Variants in TNNI3K observed in about 807,000 individuals in gnomAD.
TNNI3K encodes the protein serine/threonine-protein kinase TNNI3K.
In TNNI3K, 140 loss-of-function variants were observed where a neutral mutation model predicts 114.5. The ratio of observed to expected loss-of-function variants is 1.22; its 90% CI spans 1.07 to 1.41. The LOEUF (loss-of-function observed/expected upper bound fraction) is 1.41, where lower values mean the gene tolerates loss of function less well. Ranked by LOEUF, TNNI3K falls within the 40% of genes most tolerant of loss-of-function variation. TNNI3K has a pLI of 0.00. For synonymous variants in TNNI3K, 347 were observed against 347.5 expected (o/e 1.00, Z 0.02); for missense variants, 1,125 against 1,007.6 (o/e 1.12, Z -1.58).
chr1:74,428,626 G>A (rs772101310), intron 17 of TNNI3K, among the ~76,000 whole-genome samples: 5 of 152,024 alleles, frequency 3.3e-5, no homozygotes, highest in South Asian at 2.1e-4. Context: ...CAAGGTACAC[G>A]GAGGTGTCAA....
At chr1:74,536,679 T>C (rs1646664385) in intron 23 of TNNI3K, among the ~76,000 whole-genome samples, 1 of 152,138 alleles carries the variant, frequency 6.6e-6, no homozygotes, top group Non-Finnish European at 1.5e-5. Flanking sequence ...AAATTACCCA[T>C]ATAGGAGCTA....
chr1:74,406,857 G>A (rs775153038), intron 17 of TNNI3K, among the ~76,000 whole-genome samples: 7 of 152,164 alleles, frequency 4.6e-5, no homozygotes, highest in Non-Finnish European at 8.8e-5. Flanking sequence ...CTCCGCTGCT[G>A]TTCCAAAATG....
chr1:74,499,911 T>C (rs1238890250), intron 23 of TNNI3K, among the ~76,000 whole-genome samples: 2 of 152,130 alleles, frequency 1.3e-5, no homozygotes, highest in Non-Finnish European at 2.9e-5. Context: ...CTGAAATCGT[T>C]TGGACTAATT....
chr1:74,491,847 G>C (rs1302501421), intron 22 of TNNI3K, among the ~76,000 whole-genome samples: 1 of 152,162 alleles, frequency 6.6e-6, no homozygotes, highest in African/African-American at 2.4e-5. Context: ...TGGGCCTACT[G>C]TGTTTTTAGA....
At chr1:74,395,524 C>T (rs1308354593) in intron 17 of TNNI3K, among the ~76,000 whole-genome samples, 2 of 152,152 alleles carry the variant, frequency 1.3e-5, no homozygotes, top group East Asian at 3.8e-4. Context: ...TGGGCAACCT[C>T]GTGTTTGAGC....
intron 6 of TNNI3K, among the ~76,000 whole-genome samples, chr1:74,334,224 C>T (rs1318152216): frequency 6.6e-6 from 1 of 152,180 alleles, no homozygotes; most frequent in Non-Finnish European, 1.5e-5. Context: ...TTTCCAAACC[C>T]TTGCTCTTGT....
intron 5 of TNNI3K, among the ~76,000 whole-genome samples, chr1:74,311,807 A>G (rs963676362): frequency 3.3e-5 from 5 of 152,204 alleles, no homozygotes; most frequent in Admixed American, 2.0e-4. Flanking sequence ...TGCTTTTTAT[A>G]TAAAGGTATT....
At chr1:74,307,239 A>G (rs1251092009) in intron 5 of TNNI3K, among the ~76,000 whole-genome samples, 1 of 152,212 alleles carries the variant, frequency 6.6e-6, no homozygotes, top group East Asian at 1.9e-4. Context: ...TAGAGCAACT[A>G]GCTGCAACAC....
intron 5 of TNNI3K, among the ~76,000 whole-genome samples, chr1:74,297,784 G>T (rs1277221319): frequency 6.6e-6 from 1 of 151,940 alleles, no homozygotes; most frequent in Non-Finnish European, 1.5e-5. Context: ...ATAAATAAAA[G>T]CTACATGGCC....
intron 21 of TNNI3K, among the ~76,000 whole-genome samples, chr1:74,483,930 C>T (rs1194243021): frequency 3.3e-5 from 5 of 152,144 alleles, no homozygotes; most frequent in Non-Finnish European, 2.9e-5. Flanking sequence ...ATTAAGCTCA[C>T]AAGCTCTACT....
chr1:74,452,760 A>T (rs1459108284), intron 20 of TNNI3K, among the ~76,000 whole-genome samples: 3 of 152,152 alleles, frequency 2.0e-5, no homozygotes, highest in Admixed American at 6.6e-5. Context: ...AAAGCCCCTT[A>T]TGATTATGTC....
chr1:74,248,318 G>A (rs1176496620), intron 2 of TNNI3K, among the ~76,000 whole-genome samples: 2 of 152,084 alleles, frequency 1.3e-5, no homozygotes, highest in Non-Finnish European at 2.9e-5. Flanking sequence ...AGCAGAGGGA[G>A]CCGGCTCTGG....
intron 22 of TNNI3K, among the ~76,000 whole-genome samples, chr1:74,490,356 C>T (rs900860476): frequency 6.6e-5 from 10 of 152,080 alleles, no homozygotes; most frequent in African/African-American, 2.4e-4. Context: ...GAGACACCTT[C>T]AAGACTTGAA....
chr1:74,441,196 A>C (rs2100673313), intron 20 of TNNI3K, among the ~76,000 whole-genome samples: 1 of 152,268 alleles, frequency 6.6e-6, no homozygotes, highest in South Asian at 2.1e-4. Context: ...AAGATGTATA[A>C]CATTTCCATC....
intron 21 of TNNI3K, among the ~76,000 whole-genome samples, chr1:74,474,005 A>C (rs1168163870): frequency 6.6e-6 from 1 of 152,110 alleles, no homozygotes; most frequent in Non-Finnish European, 1.5e-5. Flanking sequence ...TTTTCTCCTC[A>C]AATACCTGCC....
At chr1:74,464,242 G>A (rs1461748392) in intron 21 of TNNI3K, among the ~76,000 whole-genome samples, 1 of 152,194 alleles carries the variant, frequency 6.6e-6, no homozygotes, top group Non-Finnish European at 1.5e-5. Context: ...GTGTCACCGA[G>A]GAGATTGCAC....
intron 6 of TNNI3K, among the ~76,000 whole-genome samples, chr1:74,333,704 A>G (rs1229389921): frequency 6.6e-6 from 1 of 152,180 alleles, no homozygotes; most frequent in Non-Finnish European, 1.5e-5. Flanking sequence ...ATATAAATGT[A>G]CCTAATGTGC....
At chr1:74,305,503 G>A (rs1036108261) in intron 5 of TNNI3K, among the ~76,000 whole-genome samples, 1 of 152,218 alleles carries the variant, frequency 6.6e-6, no homozygotes, top group Non-Finnish European at 1.5e-5. Context: ...TAAGGAGGGA[G>A]CTGTGCTCTT....
chr1:74,237,369 G>A (rs1232684870), intron 2 of TNNI3K, among the ~76,000 whole-genome samples: 1 of 151,932 alleles, frequency 6.6e-6, no homozygotes, highest in African/African-American at 2.4e-5. Flanking sequence ...ATATGTATTT[G>A]TTTTGTTGGA....
Sources: allele counts gnomAD v4.1 joint callset (sites outside exome capture counted in the v4.1 genomes callset), GRCh38; gene constraint gnomAD v4.1.1; transcripts MANE v1.5; gene names NCBI Gene and HGNC (gene_info 2026-07-23, HGNC 2026-07-21).